Variants in LAMA1 observed in about 807,000 individuals in gnomAD.
LAMA1 encodes the protein laminin subunit alpha-1.
Under a neutral mutation model 348.7 loss-of-function variants are expected in LAMA1, and 219 were observed. That is an observed-to-expected ratio of 0.63 (90% CI 0.56 to 0.70). The LOEUF (loss-of-function observed/expected upper bound fraction) is 0.70, where lower values mean the gene tolerates loss of function less well. Ranked by LOEUF, LAMA1 falls within the 30% of genes least tolerant of loss-of-function variation. The pLI is 0.00. For synonymous variants in LAMA1, 1,487 were observed against 1,491.0 expected (o/e 1.00, Z 0.06); for missense variants, 3,744 against 3,888.0 (o/e 0.96, Z 0.99).
intron 1 of LAMA1, among the ~76,000 whole-genome samples, chr18:7,104,624 G>T (rs949819558): frequency 7.2e-5 from 11 of 152,190 alleles, no homozygotes; most frequent in African/African-American, 2.7e-4. Flanking sequence ...GGAGAGGTCT[G>T]GGCAGGGTCA....
chr18:6,996,084 A>G (rs911298622), intron 33 of LAMA1, among the ~76,000 whole-genome samples: 2 of 152,186 alleles, frequency 1.3e-5, no homozygotes, highest in Non-Finnish European at 2.9e-5. Flanking sequence ...ACTGGCAGAT[A>G]TTATACTGAT....
Position 6,982,381 on chromosome 18 carries a change from G to A in LAMA1, c.5890+116C>T, listed in dbSNP as rs559310148. On this transcript the variant is annotated intron_variant, in intron 41 of 62. Transcript: ENST00000389658. ...TGATAGGAAATTGGAATATAAATGGGACACAGAAATGCTAAGCTTCAAGTT... is the reference window on the plus strand; with the variant it reads ...TGATAGGAAATTGGAATATAAATGGAACACAGAAATGCTAAGCTTCAAGTT... The A allele has an allele frequency of 9.2e-5, 79 of 862,686 alleles. No individual in the cohort carries two copies. In the East Asian group the frequency reaches 1.8e-3, roughly 20 times the overall value. 53.4% of individuals were successfully genotyped at this position (862,686 alleles called of 1,614,324 possible).
chr18:7,056,903 G>A (rs1209731883), intron 3 of LAMA1, among the ~76,000 whole-genome samples: 2 of 149,782 alleles, frequency 1.3e-5, no homozygotes, highest in East Asian at 1.9e-4. Flanking sequence ...ACAGTGTCTC[G>A]CTCTGTCTCC....
chr18:6,943,522 C>T (rs1278870081), intron 61 of LAMA1, 120 bp from the exon 62 acceptor site: 1 of 844,678 alleles, frequency 1.2e-6, no homozygotes, highest in Non-Finnish European at 2.0e-6. Flanking sequence ...CTAGGAGAAA[C>T]AGAAAATAGT....
rs184343218 is a variant in LAMA1, at chr18:6,993,909, C to T, written c.4897-157G>A. On this transcript the variant is annotated intron_variant, in intron 34 of 62. Coordinates refer to ENST00000389658, the MANE Select transcript of LAMA1 (RefSeq NM_005559.4). ...GATGAGCATTATCATGCAAGCCGAGCTTAATATTTTGGGGTTAGAAATGGA... is the reference window on the plus strand; with the variant it reads ...GATGAGCATTATCATGCAAGCCGAGTTTAATATTTTGGGGTTAGAAATGGA... Among the ~76,000 whole-genome samples the T allele has an allele frequency of 1.7e-3, 266 of 152,252 alleles. 1 individual carries two copies. The highest frequency in any genetic ancestry group is 6.8e-3 in the Middle Eastern group (2 of 294).
intron 48 of LAMA1, among the ~76,000 whole-genome samples, chr18:6,968,184 A>C (rs2057642261): frequency 6.6e-6 from 1 of 152,124 alleles, no homozygotes; most frequent in Non-Finnish European, 1.5e-5. Flanking sequence ...TGGAAATGCC[A>C]CCATCACCCG....
chr18:6,944,327 AT>A (rs1367850631), intron 61 of LAMA1, among the ~76,000 whole-genome samples: 2 of 152,100 alleles, frequency 1.3e-5, no homozygotes, highest in African/African-American at 4.8e-5. Flanking sequence ...GGTCATACCT[AT>A]TGATAGCACC....
chr18:7,066,990 A>G (rs1445296303), intron 3 of LAMA1, among the ~76,000 whole-genome samples: 1 of 152,260 alleles, frequency 6.6e-6, no homozygotes, highest in Non-Finnish European at 1.5e-5. Flanking sequence ...AGTGTCTCCC[A>G]ATGGGAACAG....
At chr18:6,942,466 T>A (rs1008585398) in intron 62 of LAMA1, among the ~76,000 whole-genome samples, 8 of 151,676 alleles carry the variant, frequency 5.3e-5, no homozygotes, top group Non-Finnish European at 1.0e-4. Context: ...TAGGCTGGAG[T>A]GCAGTGGCGC....
intron 48 of LAMA1, among the ~76,000 whole-genome samples, chr18:6,966,682 T>G (rs761180676): frequency 6.6e-6 from 1 of 152,194 alleles, no homozygotes; most frequent in Non-Finnish European, 1.5e-5. Flanking sequence ...ACTTTGCTGA[T>G]GAGGTTTTAT....
chr18:6,992,086 T>C (rs916314355), intron 36 of LAMA1, among the ~76,000 whole-genome samples: 5 of 152,250 alleles, frequency 3.3e-5, no homozygotes, highest in Admixed American at 1.3e-4. Context: ...TATGTAAGAA[T>C]GCTTTGTGAT....
intron 33 of LAMA1, among the ~76,000 whole-genome samples, chr18:6,995,749 C>T (rs2057778579): frequency 6.6e-6 from 1 of 152,084 alleles, no homozygotes; most frequent in Admixed American, 6.5e-5. Flanking sequence ...ATAGCAGAGT[C>T]ACACAAATTT....
At chr18:7,102,722 T>C (rs1478060813) in intron 1 of LAMA1, among the ~76,000 whole-genome samples, 1 of 152,184 alleles carries the variant, frequency 6.6e-6, no homozygotes, top group East Asian at 1.9e-4. Context: ...CACTGGGGTC[T>C]GGAGTACAAG....
At position 7,077,441 on chromosome 18, in the gene LAMA1, G is replaced by A. The variant is rs545326692; in HGVS notation, c.345+2534C>T. On this transcript the variant is annotated intron_variant, in intron 3 of 62. Coordinates refer to ENST00000389658, the MANE Select transcript of LAMA1 (RefSeq NM_005559.4). ...AGGATGGTCTCGATCTCCTGACCTC[G>A]TGATCCGCCCACCTCAGCCTCCGAA... Among the ~76,000 whole-genome samples, 18 of 152,020 alleles carry A rather than the reference G, an allele frequency of 1.2e-4. No individual in the cohort carries two copies. The East Asian group carries it at 3.3e-3, about 28-fold the overall frequency.
Position 6,984,438 on chromosome 18 carries a change from C to T in LAMA1, c.5660+799G>A, listed in dbSNP as rs558655656. 3.4e-4 allele frequency among the ~76,000 whole-genome samples: 52 copies of T among 152,222 alleles called. No individual in the cohort carries two copies. In the South Asian group the frequency reaches 0.01, roughly 30 times the overall value. ...AGTATTATGTAAATCACTGATAACA[C>T]CTAAAACTTTGGTTCCCACATTTGC... On this transcript the variant is annotated intron_variant, in intron 39 of 62. Coordinates refer to ENST00000389658, the MANE Select transcript of LAMA1 (RefSeq NM_005559.4).
intron 41 of LAMA1, among the ~76,000 whole-genome samples, chr18:6,982,191 T>C (rs1292456473): frequency 1.3e-5 from 2 of 151,892 alleles, no homozygotes; most frequent in African/African-American, 4.8e-5. Context: ...CAACAGACAC[T>C]AGGAAGAACA....
intron 21 of LAMA1, 92 bp downstream of exon 21, chr18:7,016,399 C>T (rs1270215405): frequency 2.8e-6 from 4 of 1,404,888 alleles, no homozygotes; most frequent in Non-Finnish European, 3.0e-6. Context: ...AAAGTAAAGG[C>T]ACTTAACCAA....
intron 36 of LAMA1, among the ~76,000 whole-genome samples, chr18:6,990,610 C>T (rs2057754512): frequency 6.6e-6 from 1 of 152,188 alleles, no homozygotes; most frequent in South Asian, 2.1e-4. Context: ...TCTGTCACCA[C>T]TACCCATTGC....
At position 6,966,310 on chromosome 18, in the gene LAMA1, A is replaced by C. The variant is rs1568010696; in HGVS notation, c.6900-13T>G. 1.2e-6 allele frequency: 2 copies of C among 1,612,168 alleles called. No individual in the cohort carries two copies. Among genetic ancestry groups the C allele is most frequent in the Admixed American group, 3.3e-5 (2 of 59,840 alleles). On this transcript the variant is annotated splice_polypyrimidine_tract_variant and intron_variant, in intron 48 of 62. Transcript: ENST00000389658. Reference sequence around the variant, plus strand: ...TTCATTCTGGGAGCTGCAAAGCAGAAGAGATGAAATAGAATCCATTCTCAG... The same window carrying C: ...TTCATTCTGGGAGCTGCAAAGCAGACGAGATGAAATAGAATCCATTCTCAG...
Sources: gnomAD v4.1 joint callset for allele counts (sites outside exome capture counted in the v4.1 genomes callset) on GRCh38, gnomAD v4.1.1 for gene constraint, MANE v1.5 for transcripts, NCBI Gene and HGNC (gene_info 2026-07-23, HGNC 2026-07-21) for gene names.